Variants in CES5A observed in about 807,000 individuals in gnomAD.
The protein encoded by CES5A is carboxylesterase 5.
A neutral mutation model predicts 62.9 loss-of-function variants in CES5A; 67 were observed. The observed-to-expected ratio is 1.07, with a 90% CI of 0.88 to 1.31. The LOEUF (loss-of-function observed/expected upper bound fraction) is 1.31. Ranked by LOEUF, CES5A falls within the 50% of genes most tolerant of loss-of-function variation. The pLI is 0.00. For synonymous variants in CES5A, 296 were observed against 280.8 expected (o/e 1.05, Z -0.54); for missense variants, 748 against 708.5 (o/e 1.06, Z -0.63).
intron 8 of CES5A, among the ~76,000 whole-genome samples, chr16:55,857,426 G>C (rs1416406276): frequency 6.6e-6 from 1 of 152,154 alleles, no homozygotes; most frequent in Non-Finnish European, 1.5e-5. Context: ...CTTGACAAAT[G>C]AATTTTCTTG....
intron 2 of CES5A, among the ~76,000 whole-genome samples, chr16:55,934,987 G>GTACACC (rs1284887677): frequency 6.6e-6 from 1 of 152,182 alleles, no homozygotes; most frequent in African/African-American, 2.4e-5. Context: ...CTGTCACTCA[G>GTACACC]GCTAGAGTAC....
At chr16:55,856,524 G>T in intron 8 of CES5A, 79 bp from the exon 9 acceptor site, 1 of 1,354,236 alleles carries the variant, frequency 7.4e-7, no homozygotes, top group Non-Finnish European at 1.1e-6. Flanking sequence ...CTGGGCAGCT[G>T]ACTTTCACAG....
At chr16:55,873,747 C>T in intron 2 of CES5A, 86 bp downstream of exon 2, 1 of 1,231,872 alleles carries the variant, frequency 8.1e-7, no homozygotes, top group African/African-American at 1.5e-5. Flanking sequence ...CATGCCAATC[C>T]CTCTTCTTTC....
chr16:55,927,908 T>A (rs138852325), upstream of CES5A, among the ~76,000 whole-genome samples: 298 of 152,304 alleles, frequency 2.0e-3, 3 homozygotes, highest in Non-Finnish European at 8.4e-4. Context: ...TAAAAAAATA[T>A]GGTATACATA....
upstream of CES5A, among the ~76,000 whole-genome samples, chr16:55,877,543 A>C (rs1270794096): frequency 2.6e-5 from 4 of 152,134 alleles, no homozygotes; most frequent in African/African-American, 9.6e-5. Context: ...TGCAAAGAGA[A>C]CTATAGAGGA....
intron 2 of CES5A, among the ~76,000 whole-genome samples, chr16:55,943,315 C>G (rs1375229597): frequency 6.6e-6 from 1 of 152,192 alleles, no homozygotes; most frequent in African/African-American, 2.4e-5. Flanking sequence ...AATGAGTAAA[C>G]TGCGAGAGAT....
chr16:55,868,527 CCT>C (rs2142407018), intron 4 of CES5A, among the ~76,000 whole-genome samples: 1 of 152,358 alleles, frequency 6.6e-6, no homozygotes, highest in East Asian at 1.9e-4. Flanking sequence ...GCAACTCCCT[CCT>C]CTGTTTCCAC....
At chr16:55,943,383 G>C (rs1230864085) in intron 2 of CES5A, among the ~76,000 whole-genome samples, 3 of 152,180 alleles carry the variant, frequency 2.0e-5, no homozygotes, top group Admixed American at 1.3e-4. Context: ...CCAGAGCAGG[G>C]ACTAAAGCCC....
At chr16:55,862,653 T>C (rs1322274010) in intron 6 of CES5A, among the ~76,000 whole-genome samples, 3 of 152,244 alleles carry the variant, frequency 2.0e-5, no homozygotes, top group African/African-American at 7.2e-5. Flanking sequence ...TACTGTTATT[T>C]TCTGTAAGAT....
intron 3 of CES5A, among the ~76,000 whole-genome samples, chr16:55,870,425 C>T (rs1307266129): frequency 5.3e-5 from 8 of 152,252 alleles, no homozygotes; most frequent in Admixed American, 4.6e-4. Context: ...AAGGGTCAGG[C>T]ACAGTGGCTC....
intron 1 of CES5A, among the ~76,000 whole-genome samples, chr16:55,921,890 G>A (rs1284091976): frequency 6.6e-6 from 1 of 151,912 alleles, no homozygotes; most frequent in Non-Finnish European, 1.5e-5. Context: ...AGAGGAAGTG[G>A]AGTTAAAGTG....
At chr16:55,880,221 G>A (rs1279253387), upstream of CES5A, among the ~76,000 whole-genome samples, 3 of 152,196 alleles carry the variant, frequency 2.0e-5, no homozygotes, top group African/African-American at 7.2e-5. Context: ...CATACCACCT[G>A]AAGCATGGTT....
chr16:55,946,705 A>C (rs117430439), intron 2 of CES5A, among the ~76,000 whole-genome samples: 220 of 152,320 alleles, frequency 1.4e-3, no homozygotes, highest in Middle Eastern at 0.01. Flanking sequence ...AAAGCACCCC[A>C]GTACTCAGTG....
At chr16:55,912,639 G>T (rs2034106639) in intron 1 of CES5A, among the ~76,000 whole-genome samples, 1 of 152,122 alleles carries the variant, frequency 6.6e-6, no homozygotes, top group Admixed American at 6.5e-5. Flanking sequence ...GCAGGGAAAA[G>T]ACCAGGAGGA....
intron 1 of CES5A, among the ~76,000 whole-genome samples, chr16:55,905,382 T>TTTTTTTTTTTG: frequency 6.6e-6 from 1 of 151,724 alleles, no homozygotes; most frequent in Non-Finnish European, 1.5e-5. Flanking sequence ...TTTTTTTTTT[T>TTTTTTTTTTTG]TTGAGATGGA....
rs1171147483 is a variant in CES5A, at chr16:55,853,385, C to G, written c.1126-357G>C. Among the ~76,000 whole-genome samples the G allele has an allele frequency of 2.0e-5, 3 of 152,188 alleles. 1 individual carries two copies. The highest frequency in any genetic ancestry group is 7.2e-5 in the African/African-American group (3 of 41,442). On this transcript the variant is annotated intron_variant, in intron 9 of 12. Transcript: ENST00000290567. ...GCTCAGTGCAAAGTAAAAACATAAACTGCTTGTTCAAAAAATCATTAAGAA... is the reference window on the plus strand; with the variant it reads ...GCTCAGTGCAAAGTAAAAACATAAAGTGCTTGTTCAAAAAATCATTAAGAA...
intron 4 of CES5A, among the ~76,000 whole-genome samples, chr16:55,869,149 C>A (rs117127435): frequency 6.6e-6 from 1 of 152,222 alleles, no homozygotes; most frequent in Middle Eastern, 3.2e-3. Context: ...GGCCCCAGCT[C>A]GCTTGCAGCT....
At chr16:55,936,951 C>T (rs1480996695) in intron 2 of CES5A, among the ~76,000 whole-genome samples, 1 of 151,982 alleles carries the variant, frequency 6.6e-6, no homozygotes, top group Non-Finnish European at 1.5e-5. Flanking sequence ...AATTATACTC[C>T]CTTGACAGAT....
At chr16:55,918,670 G>T (rs2034171413) in intron 1 of CES5A, among the ~76,000 whole-genome samples, 1 of 152,186 alleles carries the variant, frequency 6.6e-6, no homozygotes, top group Non-Finnish European at 1.5e-5. Flanking sequence ...TTGCCCAGGA[G>T]CTTACAGATA....
Sources: allele counts gnomAD v4.1 joint callset (sites outside exome capture counted in the v4.1 genomes callset), GRCh38; gene constraint gnomAD v4.1.1; transcripts MANE v1.5; gene names NCBI Gene and HGNC (gene_info 2026-07-23, HGNC 2026-07-21).